The following ZNF512 variants were observed in gnomAD, a reference collection of about 807,000 sequenced individuals.
ZNF512 encodes zinc finger protein 512.
Under a neutral mutation model 77.5 loss-of-function variants are expected in ZNF512, and 25 were observed. That is an observed-to-expected ratio of 0.32 (90% CI 0.23 to 0.45). The LOEUF (loss-of-function observed/expected upper bound fraction) is 0.45, where lower values mean the gene tolerates loss of function less well. Ranked by LOEUF, ZNF512 falls within the 20% of genes least tolerant of loss-of-function variation. The pLI is 1.00. For synonymous variants in ZNF512, 246 were observed against 239.9 expected, an observed-to-expected ratio of 1.03 and a Z score of -0.24; for missense variants, 483 against 692.6, an observed-to-expected ratio of 0.70 and a Z score of 3.40.
At chr2:27,594,135 C>T (rs1047806034) in intron 2 of ZNF512, among the ~76,000 whole-genome samples, 1 of 152,170 alleles carries the variant, frequency 6.6e-6, no homozygotes, top group African/African-American at 2.4e-5. Context: ...TCCTCACTTC[C>T]CAGACAGGGT....
At chr2:27,605,473 A>G (rs1211793298) in intron 9 of ZNF512, among the ~76,000 whole-genome samples, 2 of 150,962 alleles carry the variant, frequency 1.3e-5, no homozygotes, top group Non-Finnish European at 3.0e-5. Flanking sequence ...AAATGAAAAG[A>G]TTGTTGTGTT....
chr2:27,611,182 C>G (rs13408548), intron 10 of ZNF512, among the ~76,000 whole-genome samples: 1 of 152,114 alleles, frequency 6.6e-6, no homozygotes, highest in Non-Finnish European at 1.5e-5. Flanking sequence ...ATGCTCTTCA[C>G]CTAGCTTCTC....
chr2:27,619,437 C>G (rs1673031109), intron 13 of ZNF512, among the ~76,000 whole-genome samples: 1 of 152,090 alleles, frequency 6.6e-6, no homozygotes, highest in African/African-American at 2.4e-5. Context: ...CAAAATCTGG[C>G]CTTTATATAG....
chr2:27,621,412 TC>T lies in ZNF512; in HGVS notation c.1657del (p.Gln553ArgfsTer3). On this transcript the variant is annotated frameshift_variant, in exon 14 of 14. Coordinates refer to ENST00000355467, the MANE Select transcript of ZNF512 (RefSeq NM_032434.4). LOFTEE classifies it high-confidence loss of function. ...GAGCAGGAGCCAGTGCCAGCACAGTTCCAGAAAGTAAAGCCCCCAAAGACTA... is the reference window on the plus strand; with the variant it reads ...GAGCAGGAGCCAGTGCCAGCACAGTTCAGAAAGTAAAGCCCCCAAAGACTA... ...EPEQEPVPAQ[F>X]QKVKPPKTNH... is the part of the protein sequence containing the mutation. 1 of 1,613,732 alleles carries T rather than the reference TC, an allele frequency of 6.2e-7. No homozygotes were observed. Among genetic ancestry groups the T allele is most frequent in the Non-Finnish European group, 8.5e-7 (1 of 1,180,002 alleles).
At chr2:27,600,600 TTTTATGATAC>T (rs1366215233) in intron 5 of ZNF512, 81 bp from the exon 6 acceptor site, 3 of 1,490,262 alleles carry the variant, frequency 2.0e-6, no homozygotes, top group Non-Finnish European at 2.7e-6. Context: ...GGAAAAACCA[TTTTATGATAC>T]TTTTCCTAAA....
chr2:27,612,196 C>T (rs1223796693), intron 10 of ZNF512, among the ~76,000 whole-genome samples: 1 of 152,102 alleles, frequency 6.6e-6, no homozygotes, highest in African/African-American at 2.4e-5. Flanking sequence ...CTGGATTTGG[C>T]AGTTGAGCGC....
At chr2:27,608,539 G>T (rs1041357709) in intron 10 of ZNF512, among the ~76,000 whole-genome samples, 1 of 151,812 alleles carries the variant, frequency 6.6e-6, no homozygotes, top group Non-Finnish European at 1.5e-5. Flanking sequence ...TACTTTTATT[G>T]TTCCCCTACA....
At chr2:27,605,520 G>T (rs1672312115) in intron 9 of ZNF512, among the ~76,000 whole-genome samples, 1 of 152,010 alleles carries the variant, frequency 6.6e-6, no homozygotes, top group African/African-American at 2.4e-5. Flanking sequence ...CTTTTGCCCA[G>T]GCTGGAGTGC....
intron 10 of ZNF512, among the ~76,000 whole-genome samples, chr2:27,614,269 G>C (rs2148041758): frequency 6.6e-6 from 1 of 152,200 alleles, no homozygotes; most frequent in South Asian, 2.1e-4. Flanking sequence ...GTCTGTGCAG[G>C]TTGCTCTCTC....
At chr2:27,590,223 A>T (rs756771420) in intron 2 of ZNF512, among the ~76,000 whole-genome samples, 2 of 152,080 alleles carry the variant, frequency 1.3e-5, no homozygotes, top group East Asian at 1.9e-4. Flanking sequence ...CGCTTTGTGT[A>T]TTTTGAGGCT....
At chr2:27,613,554 T>C (rs71441086) in intron 10 of ZNF512, among the ~76,000 whole-genome samples, 3,708 of 152,220 alleles carry the variant, frequency 0.024, 63 homozygotes, top group Middle Eastern at 0.061. Flanking sequence ...GTGGGGCATT[T>C]GTTCCAGGAC....
chr2:27,611,014 A>G, intron 10 of ZNF512, among the ~76,000 whole-genome samples: 1 of 152,084 alleles, frequency 6.6e-6, no homozygotes, highest in South Asian at 2.1e-4. Context: ...GCCCACTCCC[A>G]CCTTGTCCTT....
In ZNF512 at chr2:27,611,797, A is replaced by G. The variant is rs567968819; in HGVS notation, c.1132-3371A>G. Among the ~76,000 whole-genome samples, 4 of 150,906 alleles carry G rather than the reference A, an allele frequency of 2.7e-5. No homozygotes were observed. In the East Asian group the frequency reaches 5.9e-4, roughly 22 times the overall value. ...ATTGCAACCTCCGCCTCCCGGGTTC[A>G]AGCAATTCTTCTGCCTCAGCTTCCT... On this transcript the variant is annotated intron_variant, in intron 10 of 13. Transcript: ENST00000355467.
rs745716156 is a variant in ZNF512 at position 27,600,826 on chromosome 2, T to C, written c.582+11T>C. On this transcript the variant is annotated intron_variant, in intron 6 of 13. Transcript: ENST00000355467. ...GAAAACTGCAAGCAGGTTAGATATT[T>C]TGGCGTTTCATAACTGTTACGATAT... is the stretch of plus-strand genomic sequence containing the variant. 2 of 1,605,880 alleles carry C rather than the reference T, an allele frequency of 1.2e-6. No homozygotes were observed. The highest frequency in any genetic ancestry group is 1.1e-5 in the South Asian group (1 of 88,982).
At chr2:27,610,502 G>GTATATA (rs201029545) in intron 10 of ZNF512, among the ~76,000 whole-genome samples, 1 of 115,732 alleles carries the variant, frequency 8.6e-6, no homozygotes, top group African/African-American at 3.5e-5. Flanking sequence ...GTGTATATGT[G>GTATATA]TATATATATG....
At chr2:27,590,488 T>C (rs1671524934) in intron 2 of ZNF512, among the ~76,000 whole-genome samples, 1 of 152,240 alleles carries the variant, frequency 6.6e-6, no homozygotes, top group Non-Finnish European at 1.5e-5. Context: ...AGGGTATCAC[T>C]TTTTATTTTA....
chr2:27,617,788 T>C (rs1162970995), intron 13 of ZNF512, among the ~76,000 whole-genome samples: 1 of 152,026 alleles, frequency 6.6e-6, no homozygotes. Context: ...GGCTTATGCC[T>C]CTAATCCCAG....
chr2:27,604,346 A>G (rs917347268), intron 9 of ZNF512, among the ~76,000 whole-genome samples: 2 of 151,952 alleles, frequency 1.3e-5, no homozygotes, highest in African/African-American at 4.8e-5. Context: ...TTACATTTCC[A>G]AGGTTTCCCA....
At chr2:27,602,087 A>C (rs1183069437) in intron 7 of ZNF512, among the ~76,000 whole-genome samples, 1 of 152,186 alleles carries the variant, frequency 6.6e-6, no homozygotes, top group African/African-American at 2.4e-5. Context: ...CCCGGCCTGG[A>C]TGTCTTTTAC....
Sources: gnomAD v4.1 joint callset for allele counts (sites outside exome capture counted in the v4.1 genomes callset) on GRCh38, gnomAD v4.1.1 for gene constraint, MANE v1.5 for transcripts, NCBI Gene and HGNC (gene_info 2026-07-23, HGNC 2026-07-21) for gene names.